The following SLC24A4 variants were observed in gnomAD, a reference collection of about 807,000 sequenced individuals.
SLC24A4 encodes the protein sodium/potassium/calcium exchanger 4.
SLC24A4 carries 53 observed loss-of-function variants against 79.0 expected under a neutral mutation model. That is an observed-to-expected ratio of 0.67 (90% CI 0.54 to 0.84). The LOEUF (loss-of-function observed/expected upper bound fraction) is 0.84. Among genes scored for constraint, SLC24A4 ranks in the 40% least tolerant of loss-of-function variants. The pLI, the probability that SLC24A4 is intolerant of heterozygous loss-of-function variation, is 0.00. For missense variants in SLC24A4, 731 were observed against 822.0 expected, an observed-to-expected ratio of 0.89 and a Z score of 1.35; for synonymous variants, 323 against 323.8, an observed-to-expected ratio of 1.00 and a Z score of 0.03.
At chr14:92,366,500 G>A (rs1312518651) in intron 2 of SLC24A4, among the ~76,000 whole-genome samples, 1 of 152,210 alleles carries the variant, frequency 6.6e-6, no homozygotes, top group Non-Finnish European at 1.5e-5. Context: ...TGCAGCAGAA[G>A]AGAAGATATT....
intron 2 of SLC24A4, among the ~76,000 whole-genome samples, chr14:92,365,037 C>T (rs1566716436): frequency 6.6e-6 from 1 of 152,210 alleles, no homozygotes; most frequent in African/African-American, 2.4e-5. Context: ...GTGCCCTCCA[C>T]CCTTGAAGCC....
At chr14:92,420,404 T>G (rs2141817881) in intron 2 of SLC24A4, among the ~76,000 whole-genome samples, 1 of 151,924 alleles carries the variant, frequency 6.6e-6, no homozygotes, top group Middle Eastern at 3.4e-3. Flanking sequence ...TGCTTGAACC[T>G]GGGGGCAGAG....
chr14:92,400,827 A>T (rs1341303027), intron 2 of SLC24A4, among the ~76,000 whole-genome samples: 1 of 152,060 alleles, frequency 6.6e-6, no homozygotes, highest in Middle Eastern at 3.2e-3. Context: ...TTTGTGGGAG[A>T]TGCATACTTT....
At chr14:92,324,371 C>A (rs1382881164) in intron 1 of SLC24A4, among the ~76,000 whole-genome samples, 5 of 152,226 alleles carry the variant, frequency 3.3e-5, no homozygotes, top group African/African-American at 1.2e-4. Context: ...GCGTCTCGCC[C>A]CTGCCCTGGT....
At chr14:92,356,068 T>C (rs971117928) in intron 2 of SLC24A4, among the ~76,000 whole-genome samples, 9 of 152,216 alleles carry the variant, frequency 5.9e-5, no homozygotes, top group African/African-American at 2.2e-4. Context: ...ACTTTCAGTA[T>C]AGTATTATTC....
chr14:92,402,479 C>T (rs1890165629), intron 2 of SLC24A4, among the ~76,000 whole-genome samples: 1 of 152,108 alleles, frequency 6.6e-6, no homozygotes, highest in Non-Finnish European at 1.5e-5. Flanking sequence ...CAAGACCATT[C>T]TGAGAGCTTG....
At chr14:92,355,489 C>T (rs1265101995) in intron 2 of SLC24A4, among the ~76,000 whole-genome samples, 1 of 152,214 alleles carries the variant, frequency 6.6e-6, no homozygotes, top group Non-Finnish European at 1.5e-5. Context: ...AGCTCTCAAA[C>T]CCAAGTCCTT....
chr14:92,378,733 G>A (rs1292901511), intron 2 of SLC24A4, among the ~76,000 whole-genome samples: 1 of 152,200 alleles, frequency 6.6e-6, no homozygotes, highest in Non-Finnish European at 1.5e-5. Context: ...TAACAGCAAT[G>A]AAGCAGATGT....
intron 2 of SLC24A4, among the ~76,000 whole-genome samples, chr14:92,346,501 C>T (rs780052096): frequency 6.6e-6 from 1 of 152,118 alleles, no homozygotes; most frequent in Admixed American, 6.5e-5. Context: ...CAATATAACA[C>T]GTTGGGATGA....
intron 8 of SLC24A4, 56 bp from the exon 9 acceptor site, chr14:92,447,315 G>T: frequency 6.5e-7 from 1 of 1,548,320 alleles, no homozygotes; most frequent in Non-Finnish European, 8.9e-7. Flanking sequence ...CTCATTCCCA[G>T]CCTTCACCTG....
At chr14:92,395,081 A>G (rs1889689496) in intron 2 of SLC24A4, among the ~76,000 whole-genome samples, 1 of 152,176 alleles carries the variant, frequency 6.6e-6, no homozygotes, top group South Asian at 2.1e-4. Context: ...TGGCCTCTGG[A>G]CGGATAAGGG....
At chr14:92,443,562 G>T in intron 7 of SLC24A4, 88 bp downstream of exon 7, 2 of 1,308,754 alleles carry the variant, frequency 1.5e-6, no homozygotes, top group South Asian at 2.5e-5. Flanking sequence ...CTGGCACTGT[G>T]ACCAGAGAGG....
At chr14:92,485,614 A>G (rs962442450) in intron 13 of SLC24A4, among the ~76,000 whole-genome samples, 1 of 152,262 alleles carries the variant, frequency 6.6e-6, no homozygotes, top group African/African-American at 2.4e-5. Context: ...TTTTAAAGAA[A>G]GGATCCAGCG....
chr14:92,330,511 T>C (rs1452151369), intron 2 of SLC24A4, among the ~76,000 whole-genome samples: 1 of 152,206 alleles, frequency 6.6e-6, no homozygotes, highest in Non-Finnish European at 1.5e-5. Context: ...GGTCTCTCCA[T>C]GCCACATGTA....
intron 2 of SLC24A4, among the ~76,000 whole-genome samples, chr14:92,339,152 C>T (rs1885983847): frequency 6.6e-6 from 1 of 152,178 alleles, no homozygotes; most frequent in East Asian, 1.9e-4. Context: ...TGGTCCCGTC[C>T]TAGATGCGGA....
chr14:92,484,811 C>T lies in SLC24A4; in HGVS notation c.1423-1855C>T, dbSNP rs117622938. On this transcript the variant is annotated intron_variant, in intron 13 of 16. Transcript: ENST00000532405. ...GTGTCAGAAGCATCCAGTCGTTAGCCGCTTATTGAAACCAACAGCCAATTA... is the reference window on the plus strand; with the variant it reads ...GTGTCAGAAGCATCCAGTCGTTAGCTGCTTATTGAAACCAACAGCCAATTA... 162 of 985,388 alleles carry T rather than the reference C, an allele frequency of 1.6e-4. No homozygotes were observed. The African/African-American group carries it at 2.0e-3, about 12-fold the overall frequency. 61.0% of individuals were successfully genotyped at this position (985,388 alleles called of 1,614,324 possible). A position where few individuals can be genotyped will look rare whatever the true frequency, so the allele number is the denominator to read the frequency against.
intron 2 of SLC24A4, among the ~76,000 whole-genome samples, chr14:92,371,977 C>T (rs955178763): frequency 6.6e-6 from 1 of 151,772 alleles, no homozygotes; most frequent in African/African-American, 2.4e-5. Flanking sequence ...ATTCATCAGA[C>T]ACTTACTGAC....
At chr14:92,371,407 A>G (rs1595176979) in intron 2 of SLC24A4, among the ~76,000 whole-genome samples, 1 of 152,314 alleles carries the variant, frequency 6.6e-6, no homozygotes, top group East Asian at 1.9e-4. Context: ...CCCCTTTTCA[A>G]CACATACATG....
At chr14:92,370,249 T>C (rs924976016) in intron 2 of SLC24A4, among the ~76,000 whole-genome samples, 1 of 152,180 alleles carries the variant, frequency 6.6e-6, no homozygotes, top group East Asian at 1.9e-4. Context: ...TTCCAGAACG[T>C]AGAGCAAAAA....
Sources: gnomAD v4.1 joint callset for allele counts (sites outside exome capture counted in the v4.1 genomes callset) on GRCh38, gnomAD v4.1.1 for gene constraint, MANE v1.5 for transcripts, NCBI Gene and HGNC (gene_info 2026-07-23, HGNC 2026-07-21) for gene names.